Variants in SEM1 observed in about 807,000 individuals in gnomAD.
SEM1 encodes SEM1 26S proteasome subunit.
A neutral mutation model predicts 12.7 loss-of-function variants in SEM1; 3 were observed. The ratio of observed to expected loss-of-function variants is 0.24; its 90% CI spans 0.11 to 0.61. The LOEUF (loss-of-function observed/expected upper bound fraction) is 0.61. Ranked by LOEUF, SEM1 falls within the 20% of genes least tolerant of loss-of-function variation. The pLI, the probability that SEM1 is intolerant of heterozygous loss-of-function variation, is 0.88. For synonymous variants in SEM1, 30 were observed against 27.8 expected (o/e 1.08, Z -0.25); for missense variants, 59 against 81.3 (o/e 0.73, Z 1.06).
At chr7:96,636,570 A>G (rs1350185933) in intron 2 of SEM1, among the ~76,000 whole-genome samples, 3 of 152,056 alleles carry the variant, frequency 2.0e-5, no homozygotes, top group Non-Finnish European at 4.4e-5. Context: ...GCTAAGTAAC[A>G]TGTATAACCA....
chr7:96,521,466 C>T (rs1288745718), intron 2 of SEM1, among the ~76,000 whole-genome samples: 5 of 152,112 alleles, frequency 3.3e-5, no homozygotes, highest in Non-Finnish European at 5.9e-5. Flanking sequence ...CAGAGAACAG[C>T]ATTTCCTCCA....
rs61088450 is a variant in SEM1, at chr7:96,485,536, C to CTTTTTTTT, written c.227+659_227+666dup. ...AAGCTAATCTTCCCATCTCTACATT[C>CTTTTTTTT]TTTTTTTTTTTTTTTTTTTTTTTTG... On this transcript the variant is annotated intron_variant, in intron 2 of 3. Transcript: ENST00000356686. 5.1e-4 allele frequency among the ~76,000 whole-genome samples: 39 copies of CTTTTTTTT among 76,702 alleles called. 1 individual carries two copies. The highest frequency in any genetic ancestry group is 7.6e-4 in the Admixed American group (4 of 5,264). 50.3% of individuals were successfully genotyped at this position (76,702 alleles called of 152,430 possible). A position where few individuals can be genotyped will look rare whatever the true frequency, so the allele number is the denominator to read the frequency against.
chr7:96,568,563 C>T (rs1349524623), intron 2 of SEM1, among the ~76,000 whole-genome samples: 1 of 147,514 alleles, frequency 6.8e-6, no homozygotes, highest in Non-Finnish European at 1.5e-5. Flanking sequence ...TGTTCTTGTT[C>T]CTTCTTATTT....
intron 2 of SEM1, among the ~76,000 whole-genome samples, chr7:96,543,452 A>AAT (rs1173287022): frequency 2.6e-5 from 4 of 151,742 alleles, no homozygotes; most frequent in East Asian, 1.9e-4. Flanking sequence ...CAGATAAAGA[A>AAT]ATATATATAT....
intron 2 of SEM1, among the ~76,000 whole-genome samples, chr7:96,628,434 G>A (rs1584816513): frequency 6.6e-6 from 1 of 152,000 alleles, no homozygotes; most frequent in East Asian, 1.9e-4. Context: ...GTTACCGTGA[G>A]GCTTGCAAAT....
intron 2 of SEM1, among the ~76,000 whole-genome samples, chr7:96,580,261 T>C (rs868367564): frequency 3.9e-3 from 574 of 148,824 alleles, no homozygotes; most frequent in Middle Eastern, 0.021. Flanking sequence ...AGAATGATGA[T>C]TTCCAATTTC....
chr7:96,505,625 AC>A (rs1484122420), intron 3 of SEM1, among the ~76,000 whole-genome samples: 2 of 152,248 alleles, frequency 1.3e-5, no homozygotes, highest in Admixed American at 6.5e-5. Flanking sequence ...TGGATTATAA[AC>A]AACAGAAATT....
chr7:96,689,816 AC>A (rs766512549), intron 2 of SEM1, among the ~76,000 whole-genome samples: 1 of 152,154 alleles, frequency 6.6e-6, no homozygotes, highest in African/African-American at 2.4e-5. Context: ...GGTGGTATAA[AC>A]CCTGGATTAG....
intron 2 of SEM1, among the ~76,000 whole-genome samples, chr7:96,545,465 A>C (rs762108464): frequency 2.6e-5 from 4 of 152,036 alleles, no homozygotes; most frequent in Admixed American, 1.3e-4. Context: ...GGGGAAAAAA[A>C]AAATTTAAGA....
intron 2 of SEM1, among the ~76,000 whole-genome samples, chr7:96,647,179 G>T (rs1489563668): frequency 6.6e-6 from 1 of 152,166 alleles, no homozygotes; most frequent in East Asian, 1.9e-4. Flanking sequence ...TACTAGGGAG[G>T]TGAGGTATAG....
At chr7:96,550,389 G>C (rs1805231715) in intron 2 of SEM1, among the ~76,000 whole-genome samples, 1 of 152,126 alleles carries the variant, frequency 6.6e-6, no homozygotes, top group African/African-American at 2.4e-5. Flanking sequence ...ACCAACTGAA[G>C]TGCATTAATA....
At chr7:96,584,731 G>C (rs373769644) in intron 2 of SEM1, among the ~76,000 whole-genome samples, 4 of 151,770 alleles carry the variant, frequency 2.6e-5, no homozygotes, top group Non-Finnish European at 5.9e-5. Context: ...TCTTCCATCG[G>C]TGATACCCTT....
intron 2 of SEM1, among the ~76,000 whole-genome samples, chr7:96,690,804 T>C (rs949348858): frequency 1.3e-5 from 2 of 152,158 alleles, no homozygotes; most frequent in African/African-American, 4.8e-5. Context: ...GGAGTCTCGC[T>C]CTGTTGCCCA....
At position 96,594,904 on chromosome 7, in the gene SEM1, A is replaced by G. The variant is rs147951685; in HGVS notation, c.171-88206T>C. 7.7e-4 allele frequency among the ~76,000 whole-genome samples: 118 copies of G among 152,352 alleles called. 1 individual carries two copies. The highest frequency in any genetic ancestry group is 2.7e-3 in the African/African-American group (112 of 41,592). On this transcript the variant is annotated intron_variant and NMD_transcript_variant, in intron 2 of 3. Coordinates refer to the SEM1 transcript ENST00000466986. ...GCTACATAAACAAAAGAATTTTCAG[A>G]TTAAAACAAAAGGAGTAGTTTATTA... is the stretch of plus-strand genomic sequence containing the variant.
At chr7:96,648,133 G>T (rs1477344952) in intron 2 of SEM1, among the ~76,000 whole-genome samples, 1 of 152,172 alleles carries the variant, frequency 6.6e-6, no homozygotes, top group Non-Finnish European at 1.5e-5. Flanking sequence ...GTCTAAAGGG[G>T]CCTATTTAAG....
intron 2 of SEM1, among the ~76,000 whole-genome samples, chr7:96,680,305 G>C (rs1054095993): frequency 2.6e-5 from 4 of 151,946 alleles, no homozygotes; most frequent in African/African-American, 4.8e-5. Context: ...TCTATTCTAA[G>C]TTGCTTCTGA....
intron 2 of SEM1, among the ~76,000 whole-genome samples, chr7:96,576,674 A>C (rs1806213125): frequency 6.6e-6 from 1 of 152,056 alleles, no homozygotes; most frequent in South Asian, 2.1e-4. Context: ...CTCTTTCCTC[A>C]ATTCCATCAT....
At chr7:96,496,386 T>A, upstream of SEM1, 1 of 981,478 alleles carries the variant, frequency 1.0e-6, no homozygotes, top group Non-Finnish European at 1.5e-6. Context: ...TAAAAGAGTG[T>A]AAAGCCAAAC....
At chr7:96,662,503 A>T (rs1230944565) in intron 2 of SEM1, among the ~76,000 whole-genome samples, 9 of 152,136 alleles carry the variant, frequency 5.9e-5, no homozygotes, top group African/African-American at 2.2e-4. Flanking sequence ...TGAACATCAC[A>T]CGCTGGGGCC....
Sources: gnomAD v4.1 joint callset for allele counts (sites outside exome capture counted in the v4.1 genomes callset) on GRCh38, gnomAD v4.1.1 for gene constraint, MANE v1.5 for transcripts, NCBI Gene and HGNC (gene_info 2026-07-23, HGNC 2026-07-21) for gene names.